The following PPFIA2 variants were observed in gnomAD, a reference collection of about 807,000 sequenced individuals.
The protein encoded by PPFIA2 is liprin-alpha-2.
A neutral mutation model predicts 175.5 loss-of-function variants in PPFIA2; 46 were observed. The observed-to-expected ratio is 0.26, with a 90% CI of 0.21 to 0.34. The LOEUF (loss-of-function observed/expected upper bound fraction) is 0.34, where lower values mean the gene tolerates loss of function less well. Ranked by LOEUF, PPFIA2 falls within the 10% of genes least tolerant of loss-of-function variation. PPFIA2 has a pLI of 1.00. For missense variants in PPFIA2, 1,179 were observed against 1,506.1 expected (o/e 0.78, Z 3.60); for synonymous variants, 568 against 511.4 (o/e 1.11, Z -1.49).
At chr12:81,288,126 T>C (rs1450819712) in intron 24 of PPFIA2, among the ~76,000 whole-genome samples, 1 of 151,882 alleles carries the variant, frequency 6.6e-6, no homozygotes, top group Non-Finnish European at 1.5e-5. Flanking sequence ...TAATGACTAC[T>C]CTAGGACATT....
intron 28 of PPFIA2, among the ~76,000 whole-genome samples, chr12:81,276,802 A>T (rs1236795248): frequency 6.6e-6 from 1 of 152,214 alleles, no homozygotes. Flanking sequence ...AGCTAAAATT[A>T]TTAATGAACT....
At chr12:81,436,798 A>G (rs1566823870) in intron 7 of PPFIA2, among the ~76,000 whole-genome samples, 2 of 152,348 alleles carry the variant, frequency 1.3e-5, no homozygotes, top group South Asian at 2.1e-4. Flanking sequence ...TTAGAAAACT[A>G]AAGTAAATTT....
intron 4 of PPFIA2, among the ~76,000 whole-genome samples, chr12:81,554,255 T>C (rs1471724202): frequency 1.3e-5 from 2 of 152,004 alleles, no homozygotes; most frequent in African/African-American, 4.8e-5. Context: ...ATAGGAGAGA[T>C]ATAATTTTAG....
At chr12:81,503,860 G>A (rs2060851568) in intron 4 of PPFIA2, among the ~76,000 whole-genome samples, 1 of 151,938 alleles carries the variant, frequency 6.6e-6, no homozygotes, top group South Asian at 2.1e-4. Flanking sequence ...GTAATGCTTA[G>A]TCTTAAGACT....
chr12:81,264,386 T>C (rs2036573614), intron 30 of PPFIA2, among the ~76,000 whole-genome samples: 1 of 152,326 alleles, frequency 6.6e-6, no homozygotes, highest in South Asian at 2.1e-4. Context: ...TCAATGAATA[T>C]TCTGTGTCTA....
chr12:81,716,940 A>G (rs906461692), intron 3 of PPFIA2, among the ~76,000 whole-genome samples: 14 of 151,600 alleles, frequency 9.2e-5, no homozygotes, highest in African/African-American at 2.7e-4. Flanking sequence ...TCTGAATAGA[A>G]TAAGTCAGAA....
intron 8 of PPFIA2, among the ~76,000 whole-genome samples, chr12:81,397,779 T>A (rs562313594): frequency 4.5e-4 from 68 of 152,180 alleles, no homozygotes; most frequent in African/African-American, 1.6e-3. Context: ...TGAGCAAAGC[T>A]TGATCTGTAT....
In PPFIA2 at chr12:81,384,220, A is replaced by T. The variant is rs2038416067; in HGVS notation, c.787T>A (p.Ser263Thr). 6.3e-7 allele frequency: 1 copy of T among 1,597,034 alleles called. No individual in the cohort carries two copies. Among genetic ancestry groups the T allele is most frequent in the Non-Finnish European group, 8.5e-7 (1 of 1,169,892 alleles). The part of the protein sequence containing the change: ...EKRLSNGSID[S>T]TDETSQIVEL... ...ACTATTTGACTAGTTTCATCGGTTG[A>T]GTCTATAGAACCATTGGACAAACGC... is the stretch of plus-strand genomic sequence containing the variant. Residue 263 changes from serine to threonine, a missense_variant, in exon 9 of 33, where the codon TCA becomes ACA. By Grantham distance (58) the Ser-to-Thr change is moderately conservative. This residue lies in a region of PPFIA2 where 226 missense variants were observed against 216.6 expected (regional missense o/e 1.04). Coordinates refer to ENST00000549396, the MANE Select transcript of PPFIA2 (RefSeq NM_003625.5).
At chr12:81,642,714 G>C (rs57656058) in intron 4 of PPFIA2, among the ~76,000 whole-genome samples, 648 of 23,294 alleles carry the variant, frequency 0.028, 99 homozygotes, top group Admixed American at 0.04. Context: ...ATGTATGTAT[G>C]TATTATATAC....
intron 4 of PPFIA2, among the ~76,000 whole-genome samples, chr12:81,522,283 CCTT>C (rs1394030322): frequency 6.6e-6 from 1 of 152,144 alleles, no homozygotes; most frequent in Non-Finnish European, 1.5e-5. Flanking sequence ...TGTACAAACA[CCTT>C]CTTTTTAGAA....
At chr12:81,472,596 C>T (rs564110120) in intron 4 of PPFIA2, 94 of 152,260 alleles carry the variant, frequency 6.2e-4, no homozygotes, top group African/African-American at 2.2e-3. Context: ...CTGGACCTCA[C>T]CAAATTCATC....
intron 4 of PPFIA2, among the ~76,000 whole-genome samples, chr12:81,520,056 T>C (rs2062933122): frequency 6.6e-6 from 1 of 152,184 alleles, no homozygotes; most frequent in Non-Finnish European, 1.5e-5. Context: ...CTTGTGATGA[T>C]GTGAGATGAT....
At chr12:81,563,321 A>T (rs1250822498) in intron 4 of PPFIA2, among the ~76,000 whole-genome samples, 1 of 152,178 alleles carries the variant, frequency 6.6e-6, no homozygotes, top group Non-Finnish European at 1.5e-5. Context: ...ATTTACTAAC[A>T]CGTGCTTTTC....
At chr12:81,529,952 T>G (rs933538047) in intron 4 of PPFIA2, among the ~76,000 whole-genome samples, 4 of 151,934 alleles carry the variant, frequency 2.6e-5, no homozygotes, top group African/African-American at 9.7e-5. Flanking sequence ...AACCTGCACA[T>G]GTACCCCTGA....
intron 28 of PPFIA2, among the ~76,000 whole-genome samples, chr12:81,276,426 AT>A (rs2040547406): frequency 6.6e-6 from 1 of 152,216 alleles, no homozygotes; most frequent in East Asian, 1.9e-4. Context: ...AAACAAAAAA[AT>A]ACCTTTACCT....
At chr12:81,644,575 G>T (rs913594727) in intron 4 of PPFIA2, among the ~76,000 whole-genome samples, 30 of 151,652 alleles carry the variant, frequency 2.0e-4, no homozygotes, top group African/African-American at 6.8e-4. Context: ...TACCTTTTTA[G>T]TTTTTTCTTC....
chr12:81,403,126 T>C (rs148590224), intron 8 of PPFIA2, among the ~76,000 whole-genome samples: 31 of 152,248 alleles, frequency 2.0e-4, no homozygotes, highest in African/African-American at 6.5e-4. Context: ...AGCAAATGAA[T>C]ACCAGTAATC....
At chr12:81,547,565 G>A (rs571287927) in intron 4 of PPFIA2, among the ~76,000 whole-genome samples, 3 of 152,096 alleles carry the variant, frequency 2.0e-5, no homozygotes, top group African/African-American at 7.2e-5. Flanking sequence ...CGTGGAGACG[G>A]GGTTTCTCCA....
At chr12:81,431,025 T>C (rs2048008121) in intron 7 of PPFIA2, 1 of 152,194 alleles carries the variant, frequency 6.6e-6, no homozygotes, top group African/African-American at 2.4e-5. Flanking sequence ...TGAAAATTGG[T>C]AAATTCAGTG....
Sources: gnomAD v4.1 joint callset for allele counts (sites outside exome capture counted in the v4.1 genomes callset) on GRCh38, gnomAD v4.1.1 for gene constraint, gnomAD v4.1.1 regional missense constraint, MANE v1.5 for transcripts, NCBI Gene and HGNC (gene_info 2026-07-23, HGNC 2026-07-21) for gene names.